Variants in ANKS1B observed in about 807,000 individuals in gnomAD.
ANKS1B encodes ankyrin repeat and sterile alpha motif domain containing 1B.
A neutral mutation model predicts 148.3 loss-of-function variants in ANKS1B; 36 were observed. The ratio of observed to expected loss-of-function variants is 0.24; its 90% CI spans 0.19 to 0.32. ANKS1B has a LOEUF of 0.32. ANKS1B is among the 10% of genes least tolerant of loss of function. ANKS1B has a pLI of 1.00. For synonymous variants in ANKS1B, 542 were observed against 560.8 expected (o/e 0.97, Z 0.47); for missense variants, 1,157 against 1,542.6 (o/e 0.75, Z 4.19).
chr12:99,172,252 G>A (rs1315902924), intron 14 of ANKS1B, among the ~76,000 whole-genome samples: 2 of 152,138 alleles, frequency 1.3e-5, no homozygotes, highest in African/African-American at 4.8e-5. Flanking sequence ...GTAGGAAACA[G>A]ACAATCAAGG....
intron 22 of ANKS1B, among the ~76,000 whole-genome samples, chr12:98,796,520 G>A (rs2098951034): frequency 6.6e-6 from 1 of 152,178 alleles, no homozygotes; most frequent in African/African-American, 2.4e-5. Context: ...ATCATTTATA[G>A]TTGGTGAAAG....
chr12:99,629,716 A>G (rs1429807178), intron 9 of ANKS1B, among the ~76,000 whole-genome samples: 1 of 152,134 alleles, frequency 6.6e-6, no homozygotes, highest in Non-Finnish European at 1.5e-5. Context: ...ATAACTTATT[A>G]AAAAGGTAAA....
At chr12:99,174,172 C>T (rs1471231767) in intron 14 of ANKS1B, among the ~76,000 whole-genome samples, 1 of 152,180 alleles carries the variant, frequency 6.6e-6, no homozygotes, top group African/African-American at 2.4e-5. Context: ...CTATGGCCAA[C>T]AGCCATCTAA....
At chr12:99,930,395 T>G (rs1244854268) in intron 1 of ANKS1B, among the ~76,000 whole-genome samples, 2 of 152,226 alleles carry the variant, frequency 1.3e-5, no homozygotes, top group Non-Finnish European at 2.9e-5. Flanking sequence ...GAGGAGATTT[T>G]GGGCTGAGAC....
Position 98,829,125 on chromosome 12 carries a change from C to T in ANKS1B, c.3066+49G>A, listed in dbSNP as rs2099274331. The stretch of plus-strand genomic sequence containing the variant: ...GAAGCTACTGTTCACTATTAAAAGG[C>T]ATTACCTGATATGGTTGAAAAATAT... On this transcript the variant is annotated intron_variant, in intron 19 of 26. Coordinates refer to ENST00000683438, the MANE Select transcript of ANKS1B (RefSeq NM_001352186.2). This position sits in a 1 kb window ranked among gnomAD's most constrained non-coding sequence, Gnocchi z 5.2. 2.5e-6 allele frequency: 4 copies of T among 1,606,192 alleles called. No individual in the cohort carries two copies. The highest frequency in any genetic ancestry group is 3.4e-6 in the Non-Finnish European group (4 of 1,173,586).
At chr12:99,913,341 G>T (rs892857240) in intron 1 of ANKS1B, among the ~76,000 whole-genome samples, 4 of 152,024 alleles carry the variant, frequency 2.6e-5, no homozygotes, top group Non-Finnish European at 5.9e-5. Flanking sequence ...TTTAAAAAAG[G>T]AAACATCAAA....
chr12:99,649,178 C>A, intron 9 of ANKS1B: 1 of 864,936 alleles, frequency 1.2e-6, no homozygotes, highest in Non-Finnish European at 1.9e-6. Context: ...TTGGTGGCAA[C>A]ACAACATGTT....
chr12:99,125,272 T>C (rs1400523602), intron 15 of ANKS1B, among the ~76,000 whole-genome samples: 1 of 152,186 alleles, frequency 6.6e-6, no homozygotes, highest in Non-Finnish European at 1.5e-5. Context: ...ACATCTACCA[T>C]GTGCCAAATA....
At chr12:99,882,195 G>C (rs1378220710) in intron 1 of ANKS1B, among the ~76,000 whole-genome samples, 1 of 151,902 alleles carries the variant, frequency 6.6e-6, no homozygotes, top group Non-Finnish European at 1.5e-5. Context: ...CTTGAAAGCA[G>C]ATCAGTATAA....
Position 98,801,167 on chromosome 12 carries a change from CA to C in ANKS1B, c.3142-43del. 1 of 1,603,306 alleles carries C rather than the reference CA, an allele frequency of 6.2e-7. No individual in the cohort carries two copies. The highest frequency in any genetic ancestry group is 8.5e-7 in the Non-Finnish European group (1 of 1,174,192). On this transcript the variant is annotated intron_variant, in intron 20 of 26. Coordinates refer to ENST00000683438, the MANE Select transcript of ANKS1B (RefSeq NM_001352186.2). The surrounding 1 kb of genome is among the most constrained non-coding windows in gnomAD (Gnocchi z 5.2). The stretch of plus-strand genomic sequence containing the variant: ...TTCTAGAGGCAATATGAGCAGTCAG[CA>C]AAGTTCATTCCCTGTAGCTACCCTG...
chr12:99,208,598 A>AT (rs1340528819), intron 14 of ANKS1B, among the ~76,000 whole-genome samples: 34 of 152,258 alleles, frequency 2.2e-4, no homozygotes, highest in African/African-American at 8.2e-4. Flanking sequence ...GCTACGGGAC[A>AT]TTGAATATAT....
chr12:98,780,740 G>A (rs1232350176), intron 24 of ANKS1B, among the ~76,000 whole-genome samples: 3 of 152,226 alleles, frequency 2.0e-5, no homozygotes. Flanking sequence ...TGATGGAGGA[G>A]TGATGACATT....
chr12:98,797,320 G>A (rs1452979669), intron 22 of ANKS1B, among the ~76,000 whole-genome samples: 2 of 151,664 alleles, frequency 1.3e-5, no homozygotes, highest in Non-Finnish European at 3.0e-5. Context: ...AGACAGACCC[G>A]AATTCCAGTC....
intron 8 of ANKS1B, among the ~76,000 whole-genome samples, chr12:99,701,033 G>A (rs533006867): frequency 2.0e-5 from 3 of 152,274 alleles, no homozygotes; most frequent in African/African-American, 4.8e-5. Context: ...TGGTGAGTAC[G>A]TGGTCTAAGT....
At chr12:99,865,598 T>A (rs2090634248) in intron 1 of ANKS1B, among the ~76,000 whole-genome samples, 1 of 152,182 alleles carries the variant, frequency 6.6e-6, no homozygotes, top group Non-Finnish European at 1.5e-5. Flanking sequence ...TTTGTTTACA[T>A]GCAACAGTAT....
chr12:99,595,594 T>A (rs1321273014), intron 9 of ANKS1B, among the ~76,000 whole-genome samples: 1 of 151,868 alleles, frequency 6.6e-6, no homozygotes, highest in Non-Finnish European at 1.5e-5. Flanking sequence ...CTGAACAAAT[T>A]AACACCATCA....
At chr12:99,581,893 G>A (rs2097573640) in intron 9 of ANKS1B, among the ~76,000 whole-genome samples, 2 of 124,898 alleles carry the variant, frequency 1.6e-5, no homozygotes, top group South Asian at 2.6e-4. Context: ...GCGAGACTCC[G>A]TCTCAAAAAA....
chr12:99,949,872 G>A (rs528982907), intron 1 of ANKS1B, among the ~76,000 whole-genome samples: 4 of 149,696 alleles, frequency 2.7e-5, no homozygotes, highest in Non-Finnish European at 5.9e-5. Context: ...TGGTCCACAA[G>A]ACCTAAAATA....
At chr12:99,664,154 CTTT>C (rs58457230) in intron 8 of ANKS1B, among the ~76,000 whole-genome samples, 3 of 147,184 alleles carry the variant, frequency 2.0e-5, no homozygotes, top group African/African-American at 7.4e-5. Context: ...AAAGTTTAAA[CTTT>C]TTTTTTTTCA....
Sources: gnomAD v4.1 joint callset for allele counts (sites outside exome capture counted in the v4.1 genomes callset) on GRCh38, gnomAD v4.1.1 for gene constraint, Gnocchi (gnomAD v3.1) non-coding constraint, MANE v1.5 for transcripts, NCBI Gene and HGNC (gene_info 2026-07-23, HGNC 2026-07-21) for gene names.